The following MACROD2 variants were observed in gnomAD, a reference collection of about 807,000 sequenced individuals.
MACROD2 encodes mono-ADP ribosylhydrolase 2.
A neutral mutation model predicts 70.4 loss-of-function variants in MACROD2; 36 were observed. The ratio of observed to expected loss-of-function variants is 0.51; its 90% CI spans 0.39 to 0.68. The LOEUF is 0.68. Among genes scored for constraint, MACROD2 ranks in the 30% least tolerant of loss-of-function variants. MACROD2 has a pLI of 0.00. For synonymous variants in MACROD2, 172 were observed against 178.8 expected (o/e 0.96, Z 0.30); for missense variants, 496 against 538.4 (o/e 0.92, Z 0.78).
rs2052627225 is a variant in MACROD2 at position 13,995,696 on chromosome 20, C to T, written c.-68C>T. 6.8e-7 allele frequency: 1 copy of T among 1,461,004 alleles called. No individual in the cohort carries two copies. Among genetic ancestry groups the T allele is most frequent in the Non-Finnish European group, 9.6e-7 (1 of 1,043,568 alleles). 90.5% of individuals were successfully genotyped at this position (1,461,004 alleles called of 1,614,324 possible). A position where few individuals can be genotyped will look rare whatever the true frequency, so the allele number is the denominator to read the frequency against. Reference sequence around the variant, plus strand: ...GTGCCCCCTCCCACCCCTCCCACTCCACACACACCCTGTTTGCCCGTGAGC... The same window carrying T: ...GTGCCCCCTCCCACCCCTCCCACTCTACACACACCCTGTTTGCCCGTGAGC... On this transcript the variant is annotated 5_prime_UTR_variant, in exon 1 of 18. Coordinates refer to ENST00000684519, the MANE Select transcript of MACROD2 (RefSeq NM_001351661.2). The surrounding 1 kb of genome is among the most constrained non-coding windows in gnomAD (Gnocchi z 4.3).
chr20:14,976,078 C>T (rs1189801765), intron 5 of MACROD2, among the ~76,000 whole-genome samples: 1 of 152,128 alleles, frequency 6.6e-6, no homozygotes, highest in Non-Finnish European at 1.5e-5. Context: ...CATGGTTGTT[C>T]CCGTTGTCTG....
At chr20:14,704,954 T>G (rs1488622627) in intron 5 of MACROD2, among the ~76,000 whole-genome samples, 2 of 151,744 alleles carry the variant, frequency 1.3e-5, no homozygotes, top group African/African-American at 4.8e-5. Context: ...CTTGTGTCTC[T>G]CTTTTTTTTT....
chr20:15,641,605 G>A (rs527642486), intron 8 of MACROD2, among the ~76,000 whole-genome samples: 18 of 152,188 alleles, frequency 1.2e-4, no homozygotes, highest in Middle Eastern at 3.4e-3. Flanking sequence ...ATAAAAACAG[G>A]GGCAGCGTGC....
At chr20:15,442,307 A>C (rs2046506745) in intron 7 of MACROD2, among the ~76,000 whole-genome samples, 1 of 152,302 alleles carries the variant, frequency 6.6e-6, no homozygotes, top group East Asian at 1.9e-4. Context: ...AGTTAGGGTA[A>C]AGTTAAACTG....
chr20:14,501,830 T>A (rs1179872837), intron 4 of MACROD2, among the ~76,000 whole-genome samples: 1 of 152,292 alleles, frequency 6.6e-6, no homozygotes, highest in East Asian at 1.9e-4. Context: ...TGTGTTGGGC[T>A]AGCTAAATGA....
At chr20:14,443,193 G>T (rs1235147469) in intron 3 of MACROD2, among the ~76,000 whole-genome samples, 2 of 151,856 alleles carry the variant, frequency 1.3e-5, no homozygotes, top group Non-Finnish European at 2.9e-5. Flanking sequence ...TTCTTCCTAA[G>T]GATGAAGGAG....
chr20:15,858,231 A>G (rs987747620), intron 8 of MACROD2, among the ~76,000 whole-genome samples: 1 of 152,178 alleles, frequency 6.6e-6, no homozygotes, highest in Non-Finnish European at 1.5e-5. Context: ...TAAATGAATG[A>G]ATACAATCTC....
intron 12 of MACROD2, among the ~76,000 whole-genome samples, chr20:15,942,271 T>G (rs755064592): frequency 6.6e-6 from 1 of 152,144 alleles, no homozygotes; most frequent in Non-Finnish European, 1.5e-5. Context: ...ATGACACCTG[T>G]TCCCAATGAG....
At chr20:15,523,801 T>C (rs2047683555) in intron 8 of MACROD2, among the ~76,000 whole-genome samples, 1 of 152,184 alleles carries the variant, frequency 6.6e-6, no homozygotes, top group Non-Finnish European at 1.5e-5. Context: ...GTTTCCATGA[T>C]CGATGGACAG....
chr20:14,111,420 C>G (rs1466941771), intron 3 of MACROD2, among the ~76,000 whole-genome samples: 3 of 151,988 alleles, frequency 2.0e-5, no homozygotes, highest in Non-Finnish European at 4.4e-5. Context: ...AGTGAAGAGA[C>G]AGCCCACAGA....
chr20:14,241,793 T>G (rs183034265), intron 3 of MACROD2, among the ~76,000 whole-genome samples: 3 of 152,280 alleles, frequency 2.0e-5, no homozygotes, highest in Admixed American at 6.5e-5. Context: ...AATATTGTCT[T>G]CATACTTAGA....
intron 3 of MACROD2, among the ~76,000 whole-genome samples, chr20:14,125,321 G>T (rs539901351): frequency 8.5e-4 from 129 of 152,224 alleles, no homozygotes; most frequent in African/African-American, 2.9e-3. Context: ...TTTTACCTCA[G>T]TAAAAAATAA....
intron 8 of MACROD2, among the ~76,000 whole-genome samples, chr20:15,740,722 T>A (rs1246414467): frequency 6.6e-6 from 1 of 151,900 alleles, no homozygotes; most frequent in Admixed American, 6.6e-5. Context: ...TTTTTTTTTT[T>A]AATGCAATGC....
chr20:16,027,986 G>A (rs764081931), intron 15 of MACROD2, among the ~76,000 whole-genome samples: 5 of 152,162 alleles, frequency 3.3e-5, no homozygotes, highest in Non-Finnish European at 7.3e-5. Flanking sequence ...ATGCTTAATT[G>A]AGGCCTGGAA....
At chr20:14,358,557 A>G (rs1178463147) in intron 3 of MACROD2, among the ~76,000 whole-genome samples, 3 of 151,984 alleles carry the variant, frequency 2.0e-5, no homozygotes, top group Admixed American at 1.3e-4. Context: ...CCCTGGTTCA[A>G]GTGATTCTCC....
intron 3 of MACROD2, among the ~76,000 whole-genome samples, chr20:14,219,132 C>T (rs994296286): frequency 4.6e-5 from 7 of 152,270 alleles, no homozygotes; most frequent in East Asian, 1.9e-4. Context: ...ATATGTTTTC[C>T]GAGCTTTTAG....
intron 12 of MACROD2, among the ~76,000 whole-genome samples, chr20:15,958,001 G>A (rs974951536): frequency 4.6e-5 from 7 of 152,132 alleles, no homozygotes; most frequent in African/African-American, 1.4e-4. Context: ...CAAAATAAGA[G>A]GTTATCACAA....
chr20:14,053,837 C>G (rs982705971), intron 2 of MACROD2, among the ~76,000 whole-genome samples: 1 of 152,022 alleles, frequency 6.6e-6, no homozygotes, highest in African/African-American at 2.4e-5. Flanking sequence ...GAGATTTTAA[C>G]AGACCTTATA....
chr20:15,957,167 A>G (rs543864983), intron 12 of MACROD2, among the ~76,000 whole-genome samples: 2 of 152,144 alleles, frequency 1.3e-5, no homozygotes, highest in Admixed American at 6.6e-5. Context: ...TAATGGGTAG[A>G]AAGGAGGAAA....
Sources: gnomAD v4.1 joint callset for allele counts (sites outside exome capture counted in the v4.1 genomes callset) on GRCh38, gnomAD v4.1.1 for gene constraint, Gnocchi (gnomAD v3.1) non-coding constraint, MANE v1.5 for transcripts, NCBI Gene and HGNC (gene_info 2026-07-23, HGNC 2026-07-21) for gene names.